EXT1: variants seen among roughly 807,000 people sequenced by gnomAD.
EXT1 encodes exostosin-1.
A neutral mutation model predicts 82.5 loss-of-function variants in EXT1; 20 were observed. The ratio of observed to expected loss-of-function variants is 0.24; its 90% CI spans 0.17 to 0.35. EXT1 has a LOEUF of 0.35. Among genes scored for constraint, EXT1 ranks in the 10% least tolerant of loss-of-function variants. EXT1 has a pLI of 1.00. For missense variants in EXT1, 757 were observed against 936.5 expected (o/e 0.81, Z 2.50); for synonymous variants, 348 against 350.8 (o/e 0.99, Z 0.09).
chr8:117,959,411 G>C (rs13264137), intron 1 of EXT1, among the ~76,000 whole-genome samples: 73,221 of 152,020 alleles, frequency 0.48, 19,365 homozygotes, highest in Admixed American at 0.62. Context: ...GCCCTTGCTA[G>C]CTAGCACTAT....
intron 1 of EXT1, among the ~76,000 whole-genome samples, chr8:117,856,692 G>A (rs1301324019): frequency 6.6e-6 from 1 of 152,072 alleles, no homozygotes; most frequent in Non-Finnish European, 1.5e-5. Context: ...ATAGCGCAAG[G>A]TGAAGCAGCA....
chr8:117,835,473 C>A lies in EXT1; in HGVS notation c.1135G>T (p.Val379Phe), dbSNP rs371233961. The A allele has an allele frequency of 1.2e-6, 2 of 1,613,976 alleles. No homozygotes were observed. Among genetic ancestry groups the A allele is most frequent in the Admixed American group, 1.7e-5 (1 of 60,004 alleles). Residue 379 changes from valine (V) to phenylalanine (F), a missense_variant, in exon 3 of 11, where the codon GTC becomes TTC. Transcript: ENST00000378204. ...SEVINWNQAA[V>F]IGDERLLLQI... Reference sequence around the variant, plus strand: ...AATAACAATCTCTCATCGCCTATGACGGCAGCTTGGTTCCAATTAATCACT... The same window carrying A: ...AATAACAATCTCTCATCGCCTATGAAGGCAGCTTGGTTCCAATTAATCACT...
At chr8:117,982,827 G>A (rs1317490596) in intron 1 of EXT1, among the ~76,000 whole-genome samples, 1 of 152,104 alleles carries the variant, frequency 6.6e-6, no homozygotes, top group Non-Finnish European at 1.5e-5. Context: ...TATTTTCAGA[G>A]CAGCACCTAC....
At chr8:117,868,144 A>G (rs1450019880) in intron 1 of EXT1, among the ~76,000 whole-genome samples, 2 of 152,174 alleles carry the variant, frequency 1.3e-5, no homozygotes, top group South Asian at 4.1e-4. Context: ...TCCCTACACC[A>G]GGGTTAACAA....
chr8:118,004,694 C>T (rs1815739575), intron 1 of EXT1, among the ~76,000 whole-genome samples: 1 of 152,222 alleles, frequency 6.6e-6, no homozygotes, highest in African/African-American at 2.4e-5. Context: ...CCTTACATCA[C>T]AAACTCAGGA....
intron 1 of EXT1, among the ~76,000 whole-genome samples, chr8:118,060,133 G>A (rs780189569): frequency 6.6e-6 from 1 of 152,116 alleles, no homozygotes; most frequent in African/African-American, 2.4e-5. Flanking sequence ...CAACTCTCAG[G>A]TAAAAATGAG....
At chr8:118,011,226 C>T (rs2059530215) in intron 1 of EXT1, among the ~76,000 whole-genome samples, 1 of 152,202 alleles carries the variant, frequency 6.6e-6, no homozygotes, top group Admixed American at 6.5e-5. Context: ...AGTGTACTCC[C>T]TCTGCTGCTT....
At chr8:117,815,342 G>A (rs1179351544) in intron 7 of EXT1, among the ~76,000 whole-genome samples, 1 of 152,196 alleles carries the variant, frequency 6.6e-6, no homozygotes, top group Non-Finnish European at 1.5e-5. Flanking sequence ...TGAGGAAGAT[G>A]TAGGGCTTCT....
intron 1 of EXT1, among the ~76,000 whole-genome samples, chr8:118,082,784 G>A (rs767722491): frequency 2.8e-4 from 42 of 152,098 alleles, no homozygotes; most frequent in African/African-American, 8.9e-4. Context: ...TTTCTCACAC[G>A]TCTTTCCTAC....
intron 7 of EXT1, among the ~76,000 whole-genome samples, chr8:117,816,028 G>C (rs1172182463): frequency 6.6e-6 from 1 of 151,592 alleles, no homozygotes; most frequent in Admixed American, 6.6e-5. Flanking sequence ...GGTGGGGAGG[G>C]AGGTACATAA....
At chr8:118,013,253 G>A (rs1563629602) in intron 1 of EXT1, among the ~76,000 whole-genome samples, 2 of 152,062 alleles carry the variant, frequency 1.3e-5, no homozygotes, top group African/African-American at 2.4e-5. Flanking sequence ...TCTGTCACCA[G>A]GCTGGAGTGC....
At chr8:118,067,628 T>C (rs1441306947) in intron 1 of EXT1, among the ~76,000 whole-genome samples, 5 of 152,248 alleles carry the variant, frequency 3.3e-5, no homozygotes, top group Non-Finnish European at 7.3e-5. Context: ...AAGTCAATAC[T>C]AATTGGAAGT....
chr8:118,040,788 G>T (rs537552514), intron 1 of EXT1, among the ~76,000 whole-genome samples: 1 of 152,298 alleles, frequency 6.6e-6, no homozygotes, highest in South Asian at 2.1e-4. Context: ...AAATGTTTGC[G>T]AATGAGATGA....
intron 1 of EXT1, among the ~76,000 whole-genome samples, chr8:117,951,654 T>C (rs1171269578): frequency 6.6e-6 from 1 of 152,224 alleles, no homozygotes; most frequent in African/African-American, 2.4e-5. Context: ...TGGCTACTCT[T>C]GATTTAGAAA....
At chr8:117,964,292 T>C (rs1355586461) in intron 1 of EXT1, among the ~76,000 whole-genome samples, 1 of 152,200 alleles carries the variant, frequency 6.6e-6, no homozygotes, top group African/African-American at 2.4e-5. Flanking sequence ...AGGATCCCCT[T>C]AGGTCAACTC....
At chr8:117,983,879 A>T (rs1157475247) in intron 1 of EXT1, among the ~76,000 whole-genome samples, 1 of 152,170 alleles carries the variant, frequency 6.6e-6, no homozygotes, top group African/African-American at 2.4e-5. Flanking sequence ...TTTGTTTATT[A>T]TCTCTCTGAC....
intron 1 of EXT1, among the ~76,000 whole-genome samples, chr8:118,070,042 T>C (rs1206386105): frequency 6.6e-6 from 1 of 152,214 alleles, no homozygotes; most frequent in African/African-American, 2.4e-5. Context: ...CAACAGCAGA[T>C]AGATCTGATT....
In EXT1 at chr8:117,797,550, A is replaced by G. The variant is rs1823103816; in HGVS notation, c.*2162T>C. 6.6e-6 allele frequency: 1 copy of G among 152,232 alleles called. No individual in the cohort carries two copies. The highest frequency in any genetic ancestry group is 2.4e-5 in the African/African-American group (1 of 41,458). 9.4% of individuals were successfully genotyped at this position (152,232 alleles called of 1,614,324 possible). On this transcript the variant is annotated 3_prime_UTR_variant, in exon 11 of 11. Coordinates refer to ENST00000378204, the MANE Select transcript of EXT1 (RefSeq NM_000127.3). ...TGGTTTTGGGGTCATTGAACAAAAT[A>G]TCGCATTTATTTTTTGGTAAAGGAG...
At position 117,819,719 on chromosome 8, in the gene EXT1, A is replaced by C. The variant is rs1811890472; in HGVS notation, c.1493T>G (p.Leu498Trp). 6.2e-7 allele frequency: 1 copy of C among 1,612,982 alleles called. No homozygotes were observed. Among genetic ancestry groups the C allele is most frequent in the Admixed American group, 1.7e-5 (1 of 59,998 alleles). ...CTTGGCTGCAGCCACGAGAAGCTTCAACACTGGCTGGGACTGAGAGACCAG... is the reference window on the plus strand; with the variant it reads ...CTTGGCTGCAGCCACGAGAAGCTTCCACACTGGCTGGGACTGAGAGACCAG... ...TPLVSQSQPV[L>W]KLLVAAAKSQ... Residue 498 changes from leucine to tryptophan, a missense_variant, in exon 6 of 11, where the codon TTG becomes TGG. Around this residue, in one of 4 missense-constraint regions of EXT1, gnomAD observed 207 missense variants for 224.2 expected, o/e 0.92. Transcript: ENST00000378204.
Sources: gnomAD v4.1 joint callset for allele counts (sites outside exome capture counted in the v4.1 genomes callset) on GRCh38, gnomAD v4.1.1 for gene constraint, gnomAD v4.1.1 regional missense constraint, MANE v1.5 for transcripts, NCBI Gene and HGNC (gene_info 2026-07-23, HGNC 2026-07-21) for gene names.